RASGRP4: variants seen among roughly 807,000 people sequenced by gnomAD.
RASGRP4 encodes RAS guanyl-releasing protein 4.
Under a neutral mutation model 84.4 loss-of-function variants are expected in RASGRP4, and 52 were observed. The observed-to-expected ratio is 0.62, with a 90% confidence interval of 0.49 to 0.78. The LOEUF is 0.78. Among genes scored for constraint, RASGRP4 ranks in the 30% least tolerant of loss-of-function variants. The pLI, the probability that RASGRP4 is intolerant of heterozygous loss-of-function variation, is 0.00. For missense variants in RASGRP4, 760 were observed against 886.9 expected (o/e 0.86, Z 1.82); for synonymous variants, 356 against 359.1 (o/e 0.99, Z 0.10).
In RASGRP4 at chr19:38,418,674, T is replaced by C. The variant is rs1971610896; in HGVS notation, c.664-110A>G. The C allele has an allele frequency of 1.8e-6, 2 of 1,121,358 alleles. No individual in the cohort carries two copies. The highest frequency in any genetic ancestry group is 5.6e-5 in the East Asian group (2 of 35,910). The allele number at this position is 1,121,358 out of a possible 1,614,324, so 69.5% of individuals were successfully genotyped here. ...ATGTCCTAGCCTGGTCTAGCCGGAG[T>C]GACCTTTGTCATCTGTCCCCCAACC... On this transcript the variant is annotated intron_variant, in intron 6 of 16. Coordinates refer to ENST00000615439, the MANE Select transcript of RASGRP4 (RefSeq NM_170604.3). The surrounding 1 kb of genome is among the most constrained non-coding windows in gnomAD (Gnocchi z 4.6).
At chr19:38,415,359 T>G (rs1328217892) in intron 8 of RASGRP4, among the ~76,000 whole-genome samples, 1 of 151,490 alleles carries the variant, frequency 6.6e-6, no homozygotes, top group Admixed American at 6.6e-5. Context: ...CTTTTATCTT[T>G]CTTTCTTTTT....
At position 38,413,354 on chromosome 19, in the gene RASGRP4, AGG is replaced by A. The variant is rs778828415; in HGVS notation, c.1311+38_1311+39del. 2.5e-6 allele frequency: 4 copies of A among 1,603,036 alleles called. No individual in the cohort carries two copies. In the African/African-American group the frequency reaches 4.0e-5, roughly 16 times the overall value. Reference sequence around the variant, plus strand: ...ACTGCATAGGCTTAGGGGGGGTTCGAGGTAATTGGGGGAGTCCGAGGCCAGGG... The same window carrying A: ...ACTGCATAGGCTTAGGGGGGGTTCGATAATTGGGGGAGTCCGAGGCCAGGG... On this transcript the variant is annotated intron_variant, in intron 10 of 16. Coordinates refer to ENST00000615439, the MANE Select transcript of RASGRP4 (RefSeq NM_170604.3). This position sits in a 1 kb window ranked among gnomAD's most constrained non-coding sequence, Gnocchi z 4.7.
In RASGRP4 at chr19:38,411,169, C is replaced by T. The variant is rs758788130; in HGVS notation, c.1798G>A (p.Ala600Thr). The change falls in exon 15 of 17, where the codon GCA becomes ACA. Residue 600 changes from alanine to threonine, a missense_variant. By Grantham distance (58) the Ala-to-Thr change is moderately conservative. Coordinates refer to ENST00000615439, the MANE Select transcript of RASGRP4 (RefSeq NM_170604.3). ...CKKRPGAKGD[A>T]GPPGAPVPST... ...GGGACAGGAGCTCCGGGGGGTCCTG[C>T]ATCGCCCTTGGCCCCTGGCCTCTTC... 6.2e-7 allele frequency: 1 copy of T among 1,613,824 alleles called. No individual in the cohort carries two copies. The highest frequency in any genetic ancestry group is 1.3e-5 in the African/African-American group (1 of 74,940).
intron 2 of RASGRP4, 60 bp from the exon 3 acceptor site, chr19:38,421,260 C>A: frequency 8.1e-7 from 1 of 1,237,620 alleles, no homozygotes; most frequent in Non-Finnish European, 1.2e-6. Flanking sequence ...CAGAGCGTAG[C>A]TCCAGATCCT....
chr19:38,417,843 A>C lies in RASGRP4; in HGVS notation c.837+548T>G, dbSNP rs1275575749. ...AGCAAGCCAGGGAAGACACCAGAGG[A>C]AGGGCGTGGTCTGCGTGGAAATACG... On this transcript the variant is annotated intron_variant, in intron 7 of 16. Transcript: ENST00000615439. This position sits in a 1 kb window ranked among gnomAD's most constrained non-coding sequence, Gnocchi z 5.1. Among the ~76,000 whole-genome samples, 1 of 152,136 alleles carries C rather than the reference A, an allele frequency of 6.6e-6. No individual in the cohort carries two copies. Among genetic ancestry groups the C allele is most frequent in the Non-Finnish European group, 1.5e-5 (1 of 68,006 alleles).
intron 6 of RASGRP4, among the ~76,000 whole-genome samples, chr19:38,419,053 T>G (rs540763455): frequency 6.6e-6 from 1 of 152,234 alleles, no homozygotes; most frequent in South Asian, 2.1e-4. Flanking sequence ...TCCACTACAC[T>G]GAGTATATTT....
rs762378587 is a variant in RASGRP4 at position 38,410,149 on chromosome 19, A to G, written c.1966-53T>C. 9.4e-5 allele frequency: 138 copies of G among 1,464,874 alleles called. No individual in the cohort carries two copies. In the Middle Eastern group the frequency reaches 1.0e-3, roughly 11 times the overall value. 90.7% of individuals were successfully genotyped at this position (1,464,874 alleles called of 1,614,324 possible). ...TGACAGATGATGTGGGGAGCATATG[A>G]TGTCTAGGAGACGCTTCACTGCCAG... On this transcript the variant is annotated intron_variant, in intron 16 of 16. Coordinates refer to ENST00000615439, the MANE Select transcript of RASGRP4 (RefSeq NM_170604.3).
At chr19:38,419,182 T>C (rs972216641) in intron 6 of RASGRP4, among the ~76,000 whole-genome samples, 3 of 152,156 alleles carry the variant, frequency 2.0e-5, no homozygotes, top group South Asian at 2.1e-4. Context: ...AATGCATATA[T>C]ATGTTGAAGC....
rs370069723 is a variant in RASGRP4, at chr19:38,422,093, G to A, written c.84C>T (p.Arg28=). The A allele has an allele frequency of 1.2e-6, 2 of 1,613,314 alleles. No homozygotes were observed. The highest frequency in any genetic ancestry group is 2.7e-5 in the African/African-American group (2 of 74,910). The change falls in exon 2 of 17, where the codon CGC becomes CGT. Residue 28 remains arginine (R), a synonymous_variant. Transcript: ENST00000615439. ...GAGGGCTGGGGCATGTCTTGTGGCG[G>A]CGCACTTGGCGGGGCCGGCCTCGCC... is the stretch of plus-strand genomic sequence containing the variant. ...IGGRGRPRQV[R]RHKTCPSPRE...
rs1033058175 is a variant in RASGRP4 at position 38,412,134 on chromosome 19, T to G, written c.1680+538A>C. On this transcript the variant is annotated intron_variant, in intron 13 of 16. Coordinates refer to ENST00000615439, the MANE Select transcript of RASGRP4 (RefSeq NM_170604.3). The surrounding 1 kb of genome is among the most constrained non-coding windows in gnomAD (Gnocchi z 4.6). Reference sequence around the variant, plus strand: ...TGTTGTTGTTGTTGTTGTTGTTGTTTTTGAGACAGAATCTCGCTCTGTCAC... The same window carrying G: ...TGTTGTTGTTGTTGTTGTTGTTGTTGTTGAGACAGAATCTCGCTCTGTCAC... 1.4e-5 allele frequency among the ~76,000 whole-genome samples: 2 copies of G among 145,064 alleles called. No individual in the cohort carries two copies. The highest frequency in any genetic ancestry group is 7.0e-5 in the Admixed American group (1 of 14,290).
In RASGRP4 at chr19:38,415,075, G is replaced by T; in HGVS notation, c.1003C>A (p.Arg335Ser). ...CAGCCAGCCCAGGTGCGGCGGTAGC[G>T]GGCGTAGTTGTTGTGGGAGGCAAGG... ...ELLASHNNYA[R>S]YRRTWAGCAG... Residue 335 changes from arginine (R) to serine (S), a missense_variant, in exon 9 of 17, where the codon CGC (arginine) becomes AGC (serine). Coordinates refer to ENST00000615439, the MANE Select transcript of RASGRP4 (RefSeq NM_170604.3). 6.2e-7 allele frequency: 1 copy of T among 1,601,592 alleles called. No individual in the cohort carries two copies. Among genetic ancestry groups the T allele is most frequent in the Non-Finnish European group, 8.5e-7 (1 of 1,174,294 alleles).
At chr19:38,415,174 C>G in intron 8 of RASGRP4, 51 bp from the exon 9 acceptor site, 1 of 1,488,900 alleles carries the variant, frequency 6.7e-7, no homozygotes, top group East Asian at 2.4e-5. Flanking sequence ...GTCCCATCCC[C>G]TGAGCAGCCT....
chr19:38,412,468 G>C lies in RASGRP4; in HGVS notation c.1680+204C>G. 1 of 597,342 alleles carries C rather than the reference G, an allele frequency of 1.7e-6. No individual in the cohort carries two copies. 37.0% of individuals were successfully genotyped at this position (597,342 alleles called of 1,614,324 possible). On this transcript the variant is annotated intron_variant, in intron 13 of 16. Transcript: ENST00000615439. This position sits in a 1 kb window ranked among gnomAD's most constrained non-coding sequence, Gnocchi z 4.6. ...TTATCCATGGTTCAGCAATTGTCTG[G>C]GGTGGACATTATCTGGGATTTTGGG...
rs1971339941 is a variant in RASGRP4 at position 38,413,130 on chromosome 19, T to C, written c.1416+63A>G. ...TGGCCATAAGTCCCCACCTCCAGGCTCAGGGTTCTACAGATGTCTTCCCTC... is the reference window on the plus strand; with the variant it reads ...TGGCCATAAGTCCCCACCTCCAGGCCCAGGGTTCTACAGATGTCTTCCCTC... On this transcript the variant is annotated intron_variant, in intron 11 of 16. Transcript: ENST00000615439. The surrounding 1 kb of genome is among the most constrained non-coding windows in gnomAD (Gnocchi z 4.7). 3 of 1,581,700 alleles carry C rather than the reference T, an allele frequency of 1.9e-6. No homozygotes were observed. Among genetic ancestry groups the C allele is most frequent in the East Asian group, 4.5e-5 (2 of 44,726 alleles).
rs56791891 is a variant in RASGRP4 at position 38,412,083 on chromosome 19, T to TTTGTTG, written c.1680+583_1680+588dup. ...CTACCCGGTTTGGAGATTATCCAGG[T>TTTGTTG]TTGTTGTTGTTGTTGTTGTTGTTGT... On this transcript the variant is annotated intron_variant, in intron 13 of 16. Transcript: ENST00000615439. The surrounding 1 kb of genome is among the most constrained non-coding windows in gnomAD (Gnocchi z 4.6). 0.011 allele frequency among the ~76,000 whole-genome samples: 1,359 copies of TTTGTTG among 128,778 alleles called. 9 individuals are homozygous for TTTGTTG. Among genetic ancestry groups the TTTGTTG allele is most frequent in the East Asian group, 0.032 (140 of 4,408 alleles). 84.5% of individuals were successfully genotyped at this position (128,778 alleles called of 152,430 possible).
chr19:38,415,441 C>T (rs1178904965), intron 8 of RASGRP4, among the ~76,000 whole-genome samples: 6 of 144,634 alleles, frequency 4.1e-5, no homozygotes, highest in African/African-American at 7.8e-5. Flanking sequence ...GGCGTGATCT[C>T]GGCTTACTGC....
chr19:38,424,279 C>A (rs1306230433), intron 1 of RASGRP4, among the ~76,000 whole-genome samples: 1 of 151,990 alleles, frequency 6.6e-6, no homozygotes, highest in Non-Finnish European at 1.5e-5. Context: ...GCCACCACGC[C>A]GAGCTAATTT....
rs200429403 is a variant in RASGRP4 at position 38,418,438 on chromosome 19, G to T, written c.790C>A (p.Pro264Thr). The T allele has an allele frequency of 2.9e-4, 460 of 1,603,740 alleles. No homozygotes were observed. Among genetic ancestry groups the T allele is most frequent in the Admixed American group, 7.5e-4 (44 of 58,706 alleles). Residue 264 changes from proline to threonine, a missense_variant, in exon 7 of 17, where the codon CCC becomes ACC. By Grantham distance (38) the Pro-to-Thr change is conservative. Coordinates refer to ENST00000615439, the MANE Select transcript of RASGRP4 (RefSeq NM_170604.3). This position sits in a 1 kb window ranked among gnomAD's most constrained non-coding sequence, Gnocchi z 4.6. ...VQVMVLSRPG[P>T]LQRAQVLDKF... ...TCCAGCACCTGTGCACGCTGTAGGG[G>T]CCCGGGACGGCTCAGCACCATCACC...
chr19:38,412,331 A>G lies in RASGRP4; in HGVS notation c.1680+341T>C, dbSNP rs1971297659. The G allele has an allele frequency of 3.6e-6, 1 of 279,730 alleles. No individual in the cohort carries two copies. Among genetic ancestry groups the G allele is most frequent in the Non-Finnish European group, 6.8e-6 (1 of 146,214 alleles). 17.3% of individuals were successfully genotyped at this position (279,730 alleles called of 1,614,324 possible). A position where few individuals can be genotyped will look rare whatever the true frequency, so the allele number is the denominator to read the frequency against. On this transcript the variant is annotated intron_variant, in intron 13 of 16. Coordinates refer to ENST00000615439, the MANE Select transcript of RASGRP4 (RefSeq NM_170604.3). The surrounding 1 kb of genome is among the most constrained non-coding windows in gnomAD (Gnocchi z 4.6). ...CGGGGTCTCTCTTGCTATGTTCCCT[A>G]GGCTGGTCTTGAACTCTTGAGCTCA... is the stretch of plus-strand genomic sequence containing the variant.
Sources: gnomAD v4.1 joint callset for allele counts (sites outside exome capture counted in the v4.1 genomes callset) on GRCh38, gnomAD v4.1.1 for gene constraint, Gnocchi (gnomAD v3.1) non-coding constraint, MANE v1.5 for transcripts, NCBI Gene and HGNC (gene_info 2026-07-23, HGNC 2026-07-21) for gene names.